Variants in TMEM38B observed in about 807,000 individuals in gnomAD.
TMEM38B encodes the protein trimeric intracellular cation channel type B.
Under a neutral mutation model 28.7 loss-of-function variants are expected in TMEM38B, and 24 were observed. The observed-to-expected ratio is 0.84, with a 90% CI of 0.61 to 1.18. TMEM38B has a LOEUF of 1.18. Among genes scored for constraint, TMEM38B ranks in the 50% most tolerant of loss-of-function variants. The pLI, the probability that TMEM38B is intolerant of heterozygous loss-of-function variation, is 0.00. For missense variants in TMEM38B, 380 were observed against 350.9 expected, an observed-to-expected ratio of 1.08 and a Z score of -0.66; for synonymous variants, 131 against 127.7, an observed-to-expected ratio of 1.03 and a Z score of -0.17.
At chr9:105,749,075 G>A in intron 5 of TMEM38B, 1 of 1,303,286 alleles carries the variant, frequency 7.7e-7, no homozygotes, top group Non-Finnish European at 1.0e-6. Flanking sequence ...TGTTTCAGTA[G>A]TCTCTGAATT....
intron 2 of TMEM38B, among the ~76,000 whole-genome samples, chr9:105,718,220 G>T (rs1836180486): frequency 1.3e-5 from 2 of 150,364 alleles, no homozygotes; most frequent in African/African-American, 4.9e-5. Flanking sequence ...GAACAAATTT[G>T]TAATCTTTGC....
chr9:105,763,220 G>C lies in TMEM38B; in HGVS notation c.661-10645G>C, dbSNP rs962102242. Among the ~76,000 whole-genome samples, 520 of 152,036 alleles carry C rather than the reference G, an allele frequency of 3.4e-3. 5 individuals carry two copies. The highest frequency in any genetic ancestry group is 0.011 in the African/African-American group (470 of 41,466). ...CCATTTTGTAGGTTGCCTGTTCACT[G>C]TGATGGTAGTTTCTTTTGCTGTGCA... On this transcript the variant is annotated intron_variant, in intron 5 of 5. Transcript: ENST00000374692.
intron 4 of TMEM38B, among the ~76,000 whole-genome samples, chr9:105,744,922 A>C (rs1321796494): frequency 6.6e-6 from 1 of 152,072 alleles, no homozygotes; most frequent in Non-Finnish European, 1.5e-5. Context: ...TGAACTGATC[A>C]TTTTTTATGG....
intron 4 of TMEM38B, among the ~76,000 whole-genome samples, chr9:105,747,736 A>G (rs1010105713): frequency 1.3e-5 from 2 of 152,034 alleles, no homozygotes; most frequent in Non-Finnish European, 2.9e-5. Context: ...TTCGCTCTAC[A>G]CACTGCCTTA....
intron 1 of TMEM38B, among the ~76,000 whole-genome samples, chr9:105,704,412 G>A (rs1049472696): frequency 2.0e-5 from 3 of 151,818 alleles, no homozygotes; most frequent in Non-Finnish European, 4.4e-5. Flanking sequence ...AAATAAATAA[G>A]TAATTAAGTA....
At chr9:105,701,219 C>T (rs1405094060) in intron 1 of TMEM38B, 1 of 152,068 alleles carries the variant, frequency 6.6e-6, no homozygotes, top group Non-Finnish European at 1.5e-5. Flanking sequence ...TGGACAGATA[C>T]CCAGGAGTAG....
At chr9:105,766,956 G>A (rs1347093960) in intron 5 of TMEM38B, among the ~76,000 whole-genome samples, 1 of 133,332 alleles carries the variant, frequency 7.5e-6, no homozygotes, top group Non-Finnish European at 1.5e-5. Context: ...TGTTCTCATT[G>A]TTCAATTCCC....
intron 4 of TMEM38B, among the ~76,000 whole-genome samples, chr9:105,735,873 A>G (rs1420716069): frequency 3.3e-5 from 5 of 152,138 alleles, no homozygotes; most frequent in African/African-American, 1.2e-4. Context: ...TTTATTAAAA[A>G]AAATTTTTTT....
intron 2 of TMEM38B, among the ~76,000 whole-genome samples, chr9:105,709,110 A>G (rs1835795347): frequency 1.3e-5 from 2 of 152,106 alleles, no homozygotes; most frequent in South Asian, 4.1e-4. Context: ...TCAATTACAG[A>G]ACATACTACA....
chr9:105,746,801 T>C (rs1837415581), intron 4 of TMEM38B, among the ~76,000 whole-genome samples: 1 of 152,226 alleles, frequency 6.6e-6, no homozygotes, highest in South Asian at 2.1e-4. Flanking sequence ...CTGTTGAATT[T>C]TGTCAAAGGC....
In TMEM38B at chr9:105,736,090, A is replaced by G. The variant is rs186708621; in HGVS notation, c.543-11983A>G. The stretch of plus-strand genomic sequence containing the variant: ...TTTTTGGTAGAGATAGGATCTCACT[A>G]TGTTGCCCAGGCTTGTCCTGAACTC... On this transcript the variant is annotated intron_variant, in intron 4 of 5. Transcript: ENST00000374692. 1.1e-3 allele frequency among the ~76,000 whole-genome samples: 167 copies of G among 148,564 alleles called. 1 individual carries two copies. Among genetic ancestry groups the G allele is most frequent in the African/African-American group, 3.8e-3 (153 of 40,152 alleles).
intron 4 of TMEM38B, among the ~76,000 whole-genome samples, chr9:105,744,500 G>T (rs1367479276): frequency 4.6e-5 from 7 of 151,734 alleles, no homozygotes; most frequent in Non-Finnish European, 7.4e-5. Context: ...TACTCAAGCT[G>T]CTTTTACTTT....
chr9:105,765,093 A>G (rs1317779406), intron 5 of TMEM38B, among the ~76,000 whole-genome samples: 1 of 152,242 alleles, frequency 6.6e-6, no homozygotes, highest in East Asian at 1.9e-4. Context: ...AAGATGGATT[A>G]AAGAAACTGG....
intron 4 of TMEM38B, among the ~76,000 whole-genome samples, chr9:105,739,554 G>A (rs183771237): frequency 6.6e-6 from 1 of 152,140 alleles, no homozygotes; most frequent in East Asian, 1.9e-4. Flanking sequence ...TAGACAGAGT[G>A]TCACTCTGTC....
intron 3 of TMEM38B, 99 bp from the exon 4 acceptor site, chr9:105,722,435 C>A: frequency 3.0e-6 from 3 of 993,936 alleles, no homozygotes; most frequent in South Asian, 2.7e-5. Flanking sequence ...TGGGAATCCT[C>A]TTGGAATGTA....
intron 5 of TMEM38B, among the ~76,000 whole-genome samples, chr9:105,763,447 C>A (rs180686991): frequency 1.7e-3 from 261 of 152,162 alleles, no homozygotes; most frequent in African/African-American, 6.1e-3. Context: ...GAGAATACTA[C>A]AAACACCTCT....
chr9:105,738,294 C>T (rs1464267139), intron 4 of TMEM38B, among the ~76,000 whole-genome samples: 1 of 151,856 alleles, frequency 6.6e-6, no homozygotes, highest in African/African-American at 2.4e-5. Context: ...TTTTGTTTAC[C>T]TTTTCTTGGA....
chr9:105,757,873 G>A (rs1588464506), intron 5 of TMEM38B, among the ~76,000 whole-genome samples: 2 of 152,178 alleles, frequency 1.3e-5, no homozygotes, highest in East Asian at 3.8e-4. Flanking sequence ...TTTGGAGGGA[G>A]TATAAACAGG....
At chr9:105,738,602 T>A (rs923300925) in intron 4 of TMEM38B, among the ~76,000 whole-genome samples, 3 of 152,114 alleles carry the variant, frequency 2.0e-5, no homozygotes, top group African/African-American at 7.2e-5. Flanking sequence ...GATGTCAATT[T>A]TTGATGTCAA....
Sources: allele counts gnomAD v4.1 joint callset (sites outside exome capture counted in the v4.1 genomes callset), GRCh38; gene constraint gnomAD v4.1.1; transcripts MANE v1.5; gene names NCBI Gene and HGNC (gene_info 2026-07-23, HGNC 2026-07-21).